Variants in ZSCAN30 observed in about 807,000 individuals in gnomAD.
The protein encoded by ZSCAN30 is zinc finger and SCAN domain containing 30, also known as zinc finger and SCAN domain-containing protein 30.
A neutral mutation model predicts 44.3 loss-of-function variants in ZSCAN30; 37 were observed. The observed-to-expected ratio is 0.84, with a 90% CI of 0.64 to 1.10. ZSCAN30 has a LOEUF of 1.10. Among genes scored for constraint, ZSCAN30 ranks in the 50% least tolerant of loss-of-function variants. The pLI is 0.00. For synonymous variants in ZSCAN30, 181 were observed against 204.6 expected (o/e 0.88, Z 0.98); for missense variants, 549 against 582.6 (o/e 0.94, Z 0.59).
rs763197709 is a variant in ZSCAN30 at position 35,263,945 on chromosome 18, C to T, written c.408G>A (p.Gln136=). 17 of 1,613,352 alleles carry T rather than the reference C, an allele frequency of 1.1e-5. No individual in the cohort carries two copies. Among genetic ancestry groups the T allele is most frequent in the Middle Eastern group, 3.3e-4 (2 of 6,060 alleles). ...LEKELEEPRQ[Q]DTTHGQEMFW... Reference sequence around the variant, plus strand: ...ACAAACAAAAATGTTTACTTCTTACCTGTTGCCTTGGCTCCTCCAGTTCTT... The same window carrying T: ...ACAAACAAAAATGTTTACTTCTTACTTGTTGCCTTGGCTCCTCCAGTTCTT... Residue 136 remains glutamine (Q), a splice_region_variant and synonymous_variant, in exon 2 of 4, where the codon CAG becomes CAA. Transcript: ENST00000333206.
chr18:35,285,365 T>C (rs2143784339), intron 1 of ZSCAN30, among the ~76,000 whole-genome samples: 1 of 152,268 alleles, frequency 6.6e-6, no homozygotes, highest in African/African-American at 2.4e-5. Context: ...ATCAGCAAAG[T>C]ATATAGTAAA....
At chr18:35,271,637 C>T (rs1398178839) in intron 1 of ZSCAN30, among the ~76,000 whole-genome samples, 4 of 152,388 alleles carry the variant, frequency 2.6e-5, no homozygotes, top group Admixed American at 2.6e-4. Context: ...CCTGCCAGTC[C>T]TGCACCGCGT....
At chr18:35,258,007 T>C in intron 3 of ZSCAN30, 1 of 780,906 alleles carries the variant, frequency 1.3e-6, no homozygotes, top group Non-Finnish European at 2.4e-6. Flanking sequence ...GCAAGGCATA[T>C]CATGAGGCTA....
intron 1 of ZSCAN30, among the ~76,000 whole-genome samples, chr18:35,272,154 G>A (rs1483236138): frequency 2.0e-5 from 3 of 152,174 alleles, no homozygotes; most frequent in African/African-American, 7.2e-5. Flanking sequence ...GAGCGAGCGA[G>A]GGCTGCTAGC....
At chr18:35,270,563 G>C (rs1039217516) in intron 1 of ZSCAN30, among the ~76,000 whole-genome samples, 2 of 151,980 alleles carry the variant, frequency 1.3e-5, no homozygotes, top group African/African-American at 4.8e-5. Flanking sequence ...ATTTCTCTTT[G>C]GTTCAAGTTC....
At chr18:35,271,867 C>G (rs951534273) in intron 1 of ZSCAN30, among the ~76,000 whole-genome samples, 43 of 152,284 alleles carry the variant, frequency 2.8e-4, no homozygotes, top group African/African-American at 9.6e-4. Flanking sequence ...GACCCCGCGC[C>G]CCCTCCGCAG....
In ZSCAN30 at chr18:35,264,165, C is replaced by G; in HGVS notation, c.188G>C (p.Arg63Pro). The part of the protein sequence containing the change: ...QFSYSDSTGP[R>P]EALSRLRELC... ...CTCTCGCAGCCGGCTCAGAGCCTCC[C>G]GAGGGCCAGTGGAGTCAGAGTAACT... is the stretch of plus-strand genomic sequence containing the variant. The change falls in exon 2 of 4, where the codon CGG becomes CCG. Residue 63 changes from arginine to proline, a missense_variant. Transcript: ENST00000333206. The G allele has an allele frequency of 6.2e-7, 1 of 1,614,230 alleles. No homozygotes were observed. Among genetic ancestry groups the G allele is most frequent in the East Asian group, 2.2e-5 (1 of 44,890 alleles).
chr18:35,261,732 A>G (rs533254448), intron 3 of ZSCAN30: 1 of 152,314 alleles, frequency 6.6e-6, no homozygotes, highest in East Asian at 1.9e-4. Context: ...TGATTTTTGC[A>G]CATTAATTTT....
intron 1 of ZSCAN30, among the ~76,000 whole-genome samples, chr18:35,278,153 T>A (rs2044398280): frequency 6.6e-6 from 1 of 152,208 alleles, no homozygotes; most frequent in African/African-American, 2.4e-5. Flanking sequence ...GCTGACTCAA[T>A]ATGCCCTCTG....
At chr18:35,282,196 T>C (rs1274283808) in intron 1 of ZSCAN30, 2 of 152,240 alleles carry the variant, frequency 1.3e-5, no homozygotes, top group African/African-American at 4.8e-5. Context: ...ATAGTTAACT[T>C]TATATGTCAG....
At chr18:35,287,240 C>T (rs1040215124) in intron 1 of ZSCAN30, among the ~76,000 whole-genome samples, 8 of 152,016 alleles carry the variant, frequency 5.3e-5, no homozygotes, top group African/African-American at 1.4e-4. Context: ...TCAATTCTCC[C>T]CATATTGATC....
Position 35,254,159 on chromosome 18 carries a change from A to C in ZSCAN30, c.776T>G (p.Leu259Arg). 6.2e-7 allele frequency: 1 copy of C among 1,614,200 alleles called. No homozygotes were observed. ...QLPSQDRHFS[L>R]ATFNRRIPTE... ...GGGGATTCTTCTGTTGAAGGTTGCC[A>C]GACTGAAATGTCTGTCCTGGGAAGG... The change falls in exon 4 of 4, where the codon CTG becomes CGG. Residue 259 changes from leucine (L) to arginine (R), a missense_variant. By Grantham distance (102) the Leu-to-Arg change is moderately radical. Coordinates refer to ENST00000333206, the MANE Select transcript of ZSCAN30 (RefSeq NM_001112734.4).
At chr18:35,276,960 C>T (rs1569081281) in intron 1 of ZSCAN30, among the ~76,000 whole-genome samples, 1 of 152,196 alleles carries the variant, frequency 6.6e-6, no homozygotes, top group Non-Finnish European at 1.5e-5. Flanking sequence ...CCTGCAAAGC[C>T]ACAGGGGCAG....
At position 35,264,265 on chromosome 18, in the gene ZSCAN30, C is replaced by G. The variant is rs1298183401; in HGVS notation, c.88G>C (p.Val30Leu). ...LVVKVEEENY[V>L]LDQDFGLQEN... ...TGAAGGCCAAAGTCCTGGTCCAAAACATAATTTTCTTCTTCAACCTTGACA... is the reference window on the plus strand; with the variant it reads ...TGAAGGCCAAAGTCCTGGTCCAAAAGATAATTTTCTTCTTCAACCTTGACA... Residue 30 changes from valine (V) to leucine (L), a missense_variant, in exon 2 of 4, where the codon GTT (valine) becomes CTT (leucine). By Grantham distance (32) the Val-to-Leu change is conservative. Transcript: ENST00000333206. 6.2e-7 allele frequency: 1 copy of G among 1,614,072 alleles called. No homozygotes were observed. The highest frequency in any genetic ancestry group is 2.2e-5 in the East Asian group (1 of 44,894).
At chr18:35,280,383 GA>G (rs1307288523) in intron 1 of ZSCAN30, among the ~76,000 whole-genome samples, 1 of 150,886 alleles carries the variant, frequency 6.6e-6, no homozygotes, top group Non-Finnish European at 1.5e-5. Flanking sequence ...AACACTTACT[GA>G]AAAAAAAGAA....
At chr18:35,266,808 A>C (rs2044162518) in intron 1 of ZSCAN30, 2 of 151,290 alleles carry the variant, frequency 1.3e-5, no homozygotes, top group Non-Finnish European at 3.0e-5. Context: ...CTGGGACTAC[A>C]GGCGCCCGCC....
chr18:35,264,035 A>G lies in ZSCAN30; in HGVS notation c.318T>C (p.Ala106=). ...FLAILPEELQ[A]WLREHRPENG... ...TCTCTGGCCGATGCTCTCGCAGCCA[A>G]GCTTGCAGCTCCTCAGGAAGGATGG... is the stretch of plus-strand genomic sequence containing the variant. The change falls in exon 2 of 4, where the codon GCT becomes GCC. Residue 106 remains alanine (A), a synonymous_variant. Transcript: ENST00000333206. The G allele has an allele frequency of 6.2e-7, 1 of 1,614,196 alleles. No homozygotes were observed. The highest frequency in any genetic ancestry group is 8.5e-7 in the Non-Finnish European group (1 of 1,180,042).
chr18:35,272,540 C>T (rs1229692059), intron 1 of ZSCAN30, among the ~76,000 whole-genome samples: 1 of 147,592 alleles, frequency 6.8e-6, no homozygotes, highest in Non-Finnish European at 1.5e-5. Context: ...GGGGTTTCAC[C>T]ATATTGGTTG....
At chr18:35,271,084 G>A (rs980125287) in intron 1 of ZSCAN30, among the ~76,000 whole-genome samples, 5 of 152,150 alleles carry the variant, frequency 3.3e-5, no homozygotes, top group South Asian at 2.1e-4. Context: ...AGCTCATAAA[G>A]GCAGTGCAGA....
Sources: gnomAD v4.1 joint callset for allele counts (sites outside exome capture counted in the v4.1 genomes callset) on GRCh38, gnomAD v4.1.1 for gene constraint, MANE v1.5 for transcripts, NCBI Gene and HGNC (gene_info 2026-07-23, HGNC 2026-07-21) for gene names.